The following FAM3B variants were observed in gnomAD, a reference collection of about 807,000 sequenced individuals.
FAM3B encodes FAM3 metabolism regulating signaling molecule B, also known as protein FAM3B.
A neutral mutation model predicts 28.4 loss-of-function variants in FAM3B; 29 were observed. The observed-to-expected ratio is 1.02, with a 90% CI of 0.76 to 1.39. FAM3B has a LOEUF of 1.39. Among genes scored for constraint, FAM3B ranks in the 40% most tolerant of loss-of-function variants. The pLI, the probability that FAM3B is intolerant of heterozygous loss-of-function variation, is 0.00. For synonymous variants in FAM3B, 91 were observed against 103.0 expected (o/e 0.88, Z 0.71); for missense variants, 266 against 293.9 (o/e 0.91, Z 0.69).
In FAM3B at chr21:41,357,161, C is replaced by G. The variant is rs749574317; in HGVS notation, c.672C>G (p.Ile224Met). The part of the protein sequence containing the change: ...NNRYSGWPAE[I>M]QIEGCIPKER... ...GATATTCTGGCTGGCCTGCAGAGAT[C>G]CAGATAGAAGGCTGCATACCCAAAG... is the stretch of plus-strand genomic sequence containing the variant. Residue 224 changes from isoleucine to methionine, a missense_variant, in exon 8 of 8, where the codon ATC becomes ATG. By Grantham distance (10) the Ile-to-Met change is conservative. Transcript: ENST00000357985. 14 of 1,613,530 alleles carry G rather than the reference C, an allele frequency of 8.7e-6. No individual in the cohort carries two copies. Among genetic ancestry groups the G allele is most frequent in the Non-Finnish European group, 1.2e-5 (14 of 1,179,708 alleles).
In FAM3B at chr21:41,347,157, G is replaced by C. The variant is rs1470690145; in HGVS notation, c.485+57G>C. ...GCAAGAGAAGCCAGCTGGGGCAGAG[G>C]CTGCCAGGGTCTCTCAGTGACATCC... On this transcript the variant is annotated intron_variant, in intron 6 of 7. Transcript: ENST00000357985. The C allele has an allele frequency of 3.4e-6, 5 of 1,458,192 alleles. No homozygotes were observed. The Admixed American group carries it at 8.4e-5, about 24-fold the overall frequency. 90.3% of individuals were successfully genotyped at this position (1,458,192 alleles called of 1,614,324 possible). A position where few individuals can be genotyped will look rare whatever the true frequency, so the allele number is the denominator to read the frequency against.
chr21:41,308,784 C>G (rs1028455107), intron 1 of FAM3B, among the ~76,000 whole-genome samples: 3 of 152,110 alleles, frequency 2.0e-5, no homozygotes, highest in Non-Finnish European at 2.9e-5. Flanking sequence ...GGTGATCCGC[C>G]TGCCTCGGTT....
At chr21:41,336,695 T>C (rs1438927045) in intron 2 of FAM3B, among the ~76,000 whole-genome samples, 1 of 152,256 alleles carries the variant, frequency 6.6e-6, no homozygotes, top group African/African-American at 2.4e-5. Flanking sequence ...ACTACTATTA[T>C]TGTATTACAG....
At chr21:41,330,258 G>C (rs911700859) in intron 2 of FAM3B, among the ~76,000 whole-genome samples, 3 of 152,026 alleles carry the variant, frequency 2.0e-5, no homozygotes, top group African/African-American at 4.8e-5. Context: ...ATATTCATCA[G>C]AGCGTTTTGG....
At chr21:41,322,566 T>G (rs1256516013) in intron 1 of FAM3B, 1 of 716,424 alleles carries the variant, frequency 1.4e-6, no homozygotes, top group Admixed American at 2.0e-5. Context: ...ACAAAGGGAA[T>G]GAGGCGCTTT....
intron 3 of FAM3B, among the ~76,000 whole-genome samples, chr21:41,341,414 C>T (rs572057817): frequency 6.6e-6 from 1 of 152,320 alleles, no homozygotes; most frequent in East Asian, 1.9e-4. Context: ...CCCATAAGCC[C>T]TCTGTGTACC....
At chr21:41,332,688 C>T (rs1232144613) in intron 2 of FAM3B, among the ~76,000 whole-genome samples, 1 of 152,124 alleles carries the variant, frequency 6.6e-6, no homozygotes, top group African/African-American at 2.4e-5. Flanking sequence ...TTACTGACTT[C>T]GTCTCCTCAC....
At chr21:41,323,736 G>A (rs1250471426) in intron 2 of FAM3B, among the ~76,000 whole-genome samples, 8 of 152,176 alleles carry the variant, frequency 5.3e-5, no homozygotes, top group Non-Finnish European at 8.8e-5. Flanking sequence ...AATGAGATTC[G>A]AGAGAGGATG....
intron 2 of FAM3B, among the ~76,000 whole-genome samples, chr21:41,337,915 T>C (rs2088970368): frequency 6.6e-6 from 1 of 151,800 alleles, no homozygotes; most frequent in Admixed American, 6.6e-5. Context: ...GTGTGTATGT[T>C]TATAGTGTAT....
intron 2 of FAM3B, among the ~76,000 whole-genome samples, chr21:41,335,040 T>A (rs1332491893): frequency 2.6e-5 from 4 of 152,236 alleles, no homozygotes; most frequent in Admixed American, 6.5e-5. Flanking sequence ...CTCTTTCTTT[T>A]GGCTGATTTT....
chr21:41,336,085 C>T (rs570062537), intron 2 of FAM3B, among the ~76,000 whole-genome samples: 9 of 152,210 alleles, frequency 5.9e-5, no homozygotes, highest in South Asian at 2.1e-4. Flanking sequence ...TATTAGCACC[C>T]GTATAAAAGA....
chr21:41,337,544 A>G (rs928805879), intron 2 of FAM3B, among the ~76,000 whole-genome samples: 1 of 152,204 alleles, frequency 6.6e-6, no homozygotes, highest in African/African-American at 2.4e-5. Context: ...CTGGGCAAAA[A>G]GCTCAGTTCC....
At chr21:41,330,675 G>A (rs2145808921) in intron 2 of FAM3B, among the ~76,000 whole-genome samples, 1 of 152,260 alleles carries the variant, frequency 6.6e-6, no homozygotes, top group Non-Finnish European at 1.5e-5. Flanking sequence ...TCCACATGTG[G>A]GTGAGAACAC....
rs370073087 is a variant in FAM3B at position 41,337,820 on chromosome 21, G to A, written c.164-558G>A. On this transcript the variant is annotated intron_variant, in intron 2 of 7. Transcript: ENST00000357985. ...TGTGCTGTATATGGTGTGTGTGTGT[G>A]TGATACATCATGTGGTGTGTGTGCA... 3.3e-5 allele frequency among the ~76,000 whole-genome samples: 5 copies of A among 151,992 alleles called. No individual in the cohort carries two copies. In the East Asian group the frequency reaches 9.7e-4, roughly 29 times the overall value.
chr21:41,304,804 C>T (rs2088673942), intron 1 of FAM3B, among the ~76,000 whole-genome samples: 1 of 152,152 alleles, frequency 6.6e-6, no homozygotes, highest in South Asian at 2.1e-4. Flanking sequence ...CATCTGGTGC[C>T]AGTAGGAACG....
intron 7 of FAM3B, among the ~76,000 whole-genome samples, chr21:41,349,981 C>T (rs568296626): frequency 5.9e-5 from 9 of 152,334 alleles, no homozygotes; most frequent in Admixed American, 3.3e-4. Flanking sequence ...ACAGTGAGCC[C>T]TCATGGGTCT....
intron 1 of FAM3B, among the ~76,000 whole-genome samples, chr21:41,318,336 A>G (rs772022889): frequency 6.6e-6 from 1 of 152,144 alleles, no homozygotes; most frequent in South Asian, 2.1e-4. Context: ...AGACGTTCCC[A>G]GGAGGGACAT....
In FAM3B at chr21:41,357,706, A is replaced by T. The variant is rs907429394; in HGVS notation, c.*509A>T. ...CTCCTGTGGGCCTGTGAATGTATTC[A>T]TTCATTCCACAACTCTGGGTGCCTC... On this transcript the variant is annotated 3_prime_UTR_variant, in exon 8 of 8. Coordinates refer to ENST00000357985, the MANE Select transcript of FAM3B (RefSeq NM_058186.4). Among the ~76,000 whole-genome samples, 2 of 152,188 alleles carry T rather than the reference A, an allele frequency of 1.3e-5. No individual in the cohort carries two copies. Among genetic ancestry groups the T allele is most frequent in the African/African-American group, 4.8e-5 (2 of 41,430 alleles).
chr21:41,332,191 C>T (rs1289181636), intron 2 of FAM3B, among the ~76,000 whole-genome samples: 1 of 152,174 alleles, frequency 6.6e-6, no homozygotes, highest in African/African-American at 2.4e-5. Flanking sequence ...ATGTGACATG[C>T]CTGCTCCCCT....
Sources: gnomAD v4.1 joint callset for allele counts (sites outside exome capture counted in the v4.1 genomes callset) on GRCh38, gnomAD v4.1.1 for gene constraint, MANE v1.5 for transcripts, NCBI Gene and HGNC (gene_info 2026-07-23, HGNC 2026-07-21) for gene names.